The following PCCB variants were observed in gnomAD, a reference collection of about 807,000 sequenced individuals.
PCCB encodes the protein propionyl-CoA carboxylase subunit beta.
In PCCB, 43 loss-of-function variants were observed where a neutral mutation model predicts 60.7. The observed-to-expected ratio is 0.71, with a 90% CI of 0.55 to 0.91. PCCB has a LOEUF of 0.91. Ranked by LOEUF, PCCB falls within the 40% of genes least tolerant of loss-of-function variation. The pLI is 0.00. For missense variants in PCCB, 766 were observed against 702.8 expected, an observed-to-expected ratio of 1.09 and a Z score of -1.02; for synonymous variants, 276 against 255.9, an observed-to-expected ratio of 1.08 and a Z score of -0.75.
chr3:136,319,515 A>C (rs1935034209), intron 10 of PCCB, among the ~76,000 whole-genome samples: 1 of 151,620 alleles, frequency 6.6e-6, no homozygotes, highest in Admixed American at 6.6e-5. Context: ...CTCTCACCTC[A>C]GCATCCCAAA....
intron 5 of PCCB, among the ~76,000 whole-genome samples, chr3:136,279,118 A>G (rs998182095): frequency 4.6e-5 from 7 of 152,094 alleles, no homozygotes; most frequent in African/African-American, 1.7e-4. Flanking sequence ...CCTAGGGTCT[A>G]TTTTGGTTAC....
At chr3:136,274,379 A>G (rs779529515) in intron 5 of PCCB, among the ~76,000 whole-genome samples, 1 of 152,128 alleles carries the variant, frequency 6.6e-6, no homozygotes, top group African/African-American at 2.4e-5. Flanking sequence ...TTCATTTAGG[A>G]AACTTAGTTT....
intron 5 of PCCB, among the ~76,000 whole-genome samples, chr3:136,266,229 A>G (rs1009764810): frequency 5.3e-5 from 8 of 150,854 alleles, no homozygotes; most frequent in African/African-American, 2.0e-4. Flanking sequence ...CCCAGGTTCA[A>G]GTGATTGCCC....
chr3:136,319,247 T>A lies in PCCB; in HGVS notation c.1090+2183T>A, dbSNP rs1033657462. ...TCTATTCAAGTCCTTTTCCATTTTT[T>A]AATTTTGTGTGTTTTTTGTTGTTGA... On this transcript the variant is annotated intron_variant, in intron 10 of 14. Transcript: ENST00000251654. Among the ~76,000 whole-genome samples, 24 of 152,348 alleles carry A rather than the reference T, an allele frequency of 1.6e-4. 3 individuals carry two copies. The highest frequency in any genetic ancestry group is 9.1e-4 in the Admixed American group (14 of 15,302).
At chr3:136,323,823 AC>A (rs759485364) in intron 10 of PCCB, among the ~76,000 whole-genome samples, 9 of 151,048 alleles carry the variant, frequency 6.0e-5, no homozygotes, top group African/African-American at 2.2e-4. Flanking sequence ...AAAAAAAAAA[AC>A]CCACTAGTAG....
intron 9 of PCCB, among the ~76,000 whole-genome samples, chr3:136,308,422 A>G (rs1346703787): frequency 1.3e-5 from 2 of 152,194 alleles, no homozygotes; most frequent in African/African-American, 2.4e-5. Context: ...CATATCGAAT[A>G]TCTGTGCCAG....
In PCCB at chr3:136,283,939, A is replaced by C. The variant is rs747252352; in HGVS notation, c.646A>C (p.Met216Leu). 1 of 1,605,204 alleles carries C rather than the reference A, an allele frequency of 6.2e-7. No homozygotes were observed. Among genetic ancestry groups the C allele is most frequent in the Non-Finnish European group, 8.5e-7 (1 of 1,172,028 alleles). Residue 216 changes from methionine to leucine, a missense_variant, in exon 6 of 15, where the codon ATG becomes CTG. By Grantham distance (15) the Met-to-Leu change is conservative (BLOSUM62 2). Coordinates refer to ENST00000251654, the MANE Select transcript of PCCB (RefSeq NM_000532.5). Reference protein sequence around the residue: ...YSPALTDFTFMVKDTSYLFIT... With the variant: ...YSPALTDFTFLVKDTSYLFIT... ...CCCAGCCCTAACAGACTTCACGTTC[A>C]TGGTAAAGGTAAGAAAGAAGGGCCT...
chr3:136,268,092 A>ATATATATATATATATG lies in PCCB; in HGVS notation c.543+6042_543+6043insGTATATATATATATAT, dbSNP rs1553775731. ...TGTGTGTGTGTGTGTGTGTAGATAT[A>ATATATATATATATATG]TATATATATATATATATATATATAT... On this transcript the variant is annotated intron_variant, in intron 5 of 14. Transcript: ENST00000251654. Among the ~76,000 whole-genome samples, 241 of 54,440 alleles carry ATATATATATATATATG rather than the reference A, an allele frequency of 4.4e-3. 3 individuals are homozygous for ATATATATATATATATG. Among genetic ancestry groups the ATATATATATATATATG allele is most frequent in the Non-Finnish European group, 7.6e-3 (207 of 27,174 alleles). 35.7% of individuals were successfully genotyped at this position (54,440 alleles called of 152,430 possible).
chr3:136,261,961 C>G lies in PCCB; in HGVS notation c.439C>G (p.Gln147Glu), dbSNP rs1941839852. 6 of 1,554,094 alleles carry G rather than the reference C, an allele frequency of 3.9e-6. No individual in the cohort carries two copies. Among genetic ancestry groups the G allele is most frequent in the Non-Finnish European group, 5.2e-6 (6 of 1,146,440 alleles). ...TTCTCTGCTGTCTCAGATCATGGAC[C>G]AGGCCATAACGGTGGGGGCTCCAGT... ...HAQKICKIMD[Q>E]AITVGAPVIG... Residue 147 changes from glutamine to glutamate, a missense_variant, in exon 5 of 15, where the codon CAG becomes GAG. Physicochemically the swap from Gln to Glu is conservative, Grantham distance 29 (BLOSUM62 2). Transcript: ENST00000251654.
At chr3:136,255,754 C>T in intron 1 of PCCB, 102 bp from the exon 2 acceptor site, 1 of 988,744 alleles carries the variant, frequency 1.0e-6, no homozygotes, top group East Asian at 2.4e-5. Flanking sequence ...GCATTGAGAT[C>T]AACGGGCAAA....
chr3:136,281,271 T>A (rs1300283718), intron 5 of PCCB, among the ~76,000 whole-genome samples: 2 of 152,138 alleles, frequency 1.3e-5, no homozygotes, highest in Non-Finnish European at 1.5e-5. Flanking sequence ...TATGTTTGGT[T>A]TCCCACAGGT....
chr3:136,272,134 T>C (rs1942218587), intron 5 of PCCB, among the ~76,000 whole-genome samples: 1 of 152,236 alleles, frequency 6.6e-6, no homozygotes, highest in Non-Finnish European at 1.5e-5. Context: ...GTTTTTGTTT[T>C]AAATTCTGTT....
chr3:136,260,306 G>A lies in PCCB; in HGVS notation c.373-173G>A, dbSNP rs116077473. On this transcript the variant is annotated intron_variant, in intron 3 of 14. Coordinates refer to ENST00000251654, the MANE Select transcript of PCCB (RefSeq NM_000532.5). ...TCGCCCAGGCTGGTCTCAGACTCCT[G>A]GACTCAAGCCATCCACCTGCCTTGG... The A allele has an allele frequency of 2.4e-3, 1,683 of 690,584 alleles. 21 individuals carry two copies. The African/African-American group carries it at 0.027, about 11-fold the overall frequency. The allele number at this position is 690,584 out of a possible 1,614,324, so 42.8% of individuals were successfully genotyped here. A position where few individuals can be genotyped will look rare whatever the true frequency, so the allele number is the denominator to read the frequency against.
intron 3 of PCCB, chr3:136,259,216 C>T (rs1484947237): frequency 5.1e-6 from 7 of 1,363,094 alleles, no homozygotes; most frequent in Non-Finnish European, 6.8e-6. Context: ...CTTGTCATCT[C>T]AGCACTTTGG....
intron 3 of PCCB, 196 bp from the exon 4 acceptor site, chr3:136,260,283 G>T: frequency 1.5e-6 from 1 of 667,680 alleles, no homozygotes; most frequent in Admixed American, 2.2e-5. Flanking sequence ...CTGCCATGTC[G>T]CCCAGGCTGG....
intron 6 of PCCB, among the ~76,000 whole-genome samples, chr3:136,286,465 TCTC>T (rs1933415002): frequency 6.6e-6 from 1 of 152,174 alleles, no homozygotes; most frequent in African/African-American, 2.4e-5. Flanking sequence ...CTACCAAGCT[TCTC>T]CTGCATTGCT....
intron 5 of PCCB, among the ~76,000 whole-genome samples, chr3:136,275,623 C>T (rs1327161920): frequency 6.6e-6 from 1 of 151,908 alleles, no homozygotes; most frequent in African/African-American, 2.4e-5. Context: ...TCTTTTTCCT[C>T]TTCACTAAGG....
intron 12 of PCCB, among the ~76,000 whole-genome samples, 159 bp downstream of exon 12, chr3:136,327,414 C>A (rs1935362523): frequency 6.6e-6 from 1 of 152,204 alleles, no homozygotes; most frequent in South Asian, 2.1e-4. Flanking sequence ...GCAGAAATGT[C>A]TGTGCTTTTT....
At chr3:136,276,977 TTC>T (rs1942345416) in intron 5 of PCCB, among the ~76,000 whole-genome samples, 1 of 152,174 alleles carries the variant, frequency 6.6e-6, no homozygotes. Flanking sequence ...TTGATTGCTA[TTC>T]TTCTGGGTCT....
Sources: gnomAD v4.1 joint callset for allele counts (sites outside exome capture counted in the v4.1 genomes callset) on GRCh38, gnomAD v4.1.1 for gene constraint, MANE v1.5 for transcripts, NCBI Gene and HGNC (gene_info 2026-07-23, HGNC 2026-07-21) for gene names.